The following MACF1 variants were observed in gnomAD, a reference collection of about 807,000 sequenced individuals.
MACF1 encodes the protein microtubule actin crosslinking factor 1.
MACF1 carries 193 observed loss-of-function variants against 854.8 expected under a neutral mutation model. The observed-to-expected ratio is 0.23, with a 90% CI of 0.20 to 0.25. The LOEUF (loss-of-function observed/expected upper bound fraction) is 0.25, where lower values mean the gene tolerates loss of function less well. Among genes scored for constraint, MACF1 ranks in the 10% least tolerant of loss-of-function variants. The pLI, the probability that MACF1 is intolerant of heterozygous loss-of-function variation, is 1.00. For synonymous variants in MACF1, 3,185 were observed against 3,226.7 expected (o/e 0.99, Z 0.44); for missense variants, 7,722 against 8,929.1 (o/e 0.86, Z 5.45).
rs146102906 is a variant in MACF1, at chr1:39,357,463, A to G, written c.11513A>G (p.Asn3838Ser). ...GCCTTCTTGGATCAGCATGGCCACA[A>G]TCTCACACCTGAGGAGCAACAGATG... Reference protein sequence around the residue: ...AQAFLDQHGHNLTPEEQQMLQ... With the variant: ...AQAFLDQHGHSLTPEEQQMLQ... Residue 3838 changes from asparagine (N) to serine (S), a missense_variant, in exon 45 of 101, where the codon AAT becomes AGT. By Grantham distance (46) the Asn-to-Ser change is conservative (BLOSUM62 1). Coordinates refer to ENST00000564288, the MANE Select transcript of MACF1 (RefSeq NM_001394062.1). The G allele has an allele frequency of 1.0e-4, 168 of 1,614,174 alleles. No individual in the cohort carries two copies. In the African/African-American group the frequency reaches 1.2e-3, roughly 12 times the overall value.
rs1408319403 is a variant in MACF1, at chr1:39,465,251, CTG to C, written c.21771+141_21771+142del. 7 of 816,752 alleles carry C rather than the reference CTG, an allele frequency of 8.6e-6. No individual in the cohort carries two copies. In the East Asian group the frequency reaches 1.5e-4, roughly 17 times the overall value. 50.6% of individuals were successfully genotyped at this position (816,752 alleles called of 1,614,324 possible). A position where few individuals can be genotyped will look rare whatever the true frequency, so the allele number is the denominator to read the frequency against. ...CTGGTTGTCTTACCAAGTGGAGAAA[CTG>C]TTGATGGGGCCAGCATTGCAAAGCT... On this transcript the variant is annotated intron_variant, in intron 95 of 100. Coordinates refer to ENST00000564288, the MANE Select transcript of MACF1 (RefSeq NM_001394062.1).
chr1:39,097,186 G>A (rs1641959507), intron 2 of MACF1, among the ~76,000 whole-genome samples: 1 of 151,940 alleles, frequency 6.6e-6, no homozygotes, highest in Non-Finnish European at 1.5e-5. Flanking sequence ...CTCTTCATGA[G>A]GGATTCTAAC....
intron 23 of MACF1, among the ~76,000 whole-genome samples, chr1:39,309,031 A>G (rs1236812771): frequency 6.6e-6 from 1 of 152,206 alleles, no homozygotes; most frequent in Non-Finnish European, 1.5e-5. Flanking sequence ...TTTGGAACAC[A>G]GCAAATCAGT....
At chr1:39,417,712 A>ATTTTTTT (rs1643370130) in intron 58 of MACF1, among the ~76,000 whole-genome samples, 3 of 68,514 alleles carry the variant, frequency 4.4e-5, no homozygotes, top group East Asian at 9.0e-4. Flanking sequence ...ACACCCAGTT[A>ATTTTTTT]ATTTTTTTTT....
intron 2 of MACF1, among the ~76,000 whole-genome samples, chr1:39,139,506 C>G (rs950176898): frequency 6.6e-6 from 1 of 152,102 alleles, no homozygotes; most frequent in Admixed American, 6.5e-5. Flanking sequence ...ATCCTCCCAT[C>G]TCAGCCTCCC....
chr1:39,296,371 T>C (rs922089119), intron 20 of MACF1, among the ~76,000 whole-genome samples: 6 of 152,072 alleles, frequency 3.9e-5, no homozygotes, highest in African/African-American at 1.4e-4. Flanking sequence ...CTCCACCTCT[T>C]GATGGGAGTA....
intron 20 of MACF1, among the ~76,000 whole-genome samples, chr1:39,296,601 A>C (rs991092865): frequency 3.3e-5 from 5 of 151,544 alleles, no homozygotes; most frequent in Non-Finnish European, 5.9e-5. Context: ...GTGGTAGCAC[A>C]CACCTGTAGT....
intron 99 of MACF1, among the ~76,000 whole-genome samples, chr1:39,482,338 T>C (rs997562516): frequency 6.6e-6 from 1 of 152,252 alleles, no homozygotes; most frequent in Non-Finnish European, 1.5e-5. Context: ...CTATCGCTTA[T>C]GCTTTTTCTT....
chr1:39,249,533 C>T (rs980775352), intron 2 of MACF1, among the ~76,000 whole-genome samples: 2 of 152,076 alleles, frequency 1.3e-5, no homozygotes, highest in Admixed American at 1.3e-4. Flanking sequence ...TTCTGAAATT[C>T]GCTATTAGAA....
intron 96 of MACF1, among the ~76,000 whole-genome samples, chr1:39,469,322 G>A (rs1172026619): frequency 6.6e-6 from 1 of 152,128 alleles, no homozygotes; most frequent in African/African-American, 2.4e-5. Context: ...GAGCATGAGT[G>A]GTGGCATCTG....
chr1:39,099,812 G>A (rs1324881430), intron 2 of MACF1, among the ~76,000 whole-genome samples: 1 of 152,198 alleles, frequency 6.6e-6, no homozygotes, highest in Non-Finnish European at 1.5e-5. Context: ...AGATGTCTTT[G>A]CCCTCAGGAA....
intron 86 of MACF1, 156 bp downstream of exon 86, chr1:39,452,506 T>C: frequency 3.5e-6 from 4 of 1,126,836 alleles, no homozygotes; most frequent in Non-Finnish European, 5.1e-6. Context: ...ATATTCATTT[T>C]GAGAAATAAT....
At chr1:39,106,670 C>T (rs1642248071) in intron 2 of MACF1, among the ~76,000 whole-genome samples, 1 of 152,168 alleles carries the variant, frequency 6.6e-6, no homozygotes, top group Non-Finnish European at 1.5e-5. Context: ...GTGACTAGGC[C>T]CTTAGTTTCT....
rs1570177082 is a variant in MACF1, at chr1:39,464,974, G to A, written c.21754-121G>A. 18 of 875,488 alleles carry A rather than the reference G, an allele frequency of 2.1e-5. No homozygotes were observed. In the East Asian group the frequency reaches 4.4e-4, roughly 21 times the overall value. The allele number at this position is 875,488 out of a possible 1,614,324, so 54.2% of individuals were successfully genotyped here. A position where few individuals can be genotyped will look rare whatever the true frequency, so the allele number is the denominator to read the frequency against. On this transcript the variant is annotated intron_variant, in intron 94 of 100. Transcript: ENST00000564288. ...GGAGCTTGGTAAGAATATGTTCAGT[G>A]TGTGTCACTTTGCCAGAAAAATGTA...
chr1:39,294,063 G>A (rs1055430314), intron 18 of MACF1, among the ~76,000 whole-genome samples: 5 of 152,038 alleles, frequency 3.3e-5, no homozygotes, highest in African/African-American at 7.3e-5. Flanking sequence ...ATTCCCCAAC[G>A]GTTGCATAAA....
At chr1:39,233,808 T>TTTTTTTTGTTTTTTTA (rs755591226) in intron 2 of MACF1, among the ~76,000 whole-genome samples, 1 of 65,772 alleles carries the variant, frequency 1.5e-5, no homozygotes, top group Non-Finnish European at 3.3e-5. Flanking sequence ...ATTTATTTTT[T>TTTTTTTTGTTTTTTTA]ATTGATAATT....
At chr1:39,183,262 T>A (rs1266931404) in intron 2 of MACF1, among the ~76,000 whole-genome samples, 1 of 152,184 alleles carries the variant, frequency 6.6e-6, no homozygotes, top group Non-Finnish European at 1.5e-5. Flanking sequence ...TGTTCTAAAG[T>A]TAGATAATGG....
At chr1:39,231,107 TG>T in intron 1 of MACF1, 74 bp from the exon 2 acceptor site, 1 of 1,068,086 alleles carries the variant, frequency 9.4e-7, no homozygotes, top group Non-Finnish European at 1.5e-6. Context: ...AACAGAGATG[TG>T]GGCAGGGCAG....
Position 39,349,635 on chromosome 1 carries a change from T to G in MACF1, c.10965+8T>G, listed in dbSNP as rs1190628392. The G allele has an allele frequency of 1.2e-6, 2 of 1,612,914 alleles. No individual in the cohort carries two copies. Among genetic ancestry groups the G allele is most frequent in the South Asian group, 2.2e-5 (2 of 90,978 alleles). Reference sequence around the variant, plus strand: ...AACCAAAGTGACTTGAAGGTCAGTGTGAATCTGTCAATTTTGACACAAAGT... The same window carrying G: ...AACCAAAGTGACTTGAAGGTCAGTGGGAATCTGTCAATTTTGACACAAAGT... On this transcript the variant is annotated splice_region_variant and intron_variant, in intron 42 of 100. Transcript: ENST00000564288.
Sources: gnomAD v4.1 joint callset for allele counts (sites outside exome capture counted in the v4.1 genomes callset) on GRCh38, gnomAD v4.1.1 for gene constraint, MANE v1.5 for transcripts, NCBI Gene and HGNC (gene_info 2026-07-23, HGNC 2026-07-21) for gene names.